GRIA2: variants seen among roughly 807,000 people sequenced by gnomAD.
GRIA2 encodes the protein glutamate receptor 2.
In GRIA2, 14 loss-of-function variants were observed where a neutral mutation model predicts 97.3. That is an observed-to-expected ratio of 0.14 (90% CI 0.10 to 0.23). GRIA2 has a LOEUF of 0.23. Among genes scored for constraint, GRIA2 ranks in the 10% least tolerant of loss-of-function variants. GRIA2 has a pLI of 1.00. For synonymous variants in GRIA2, 412 were observed against 387.8 expected (o/e 1.06, Z -0.73); for missense variants, 558 against 1,069.8 (o/e 0.52, Z 6.67).
intron 2 of GRIA2, among the ~76,000 whole-genome samples, chr4:157,282,987 T>C (rs1732676036): frequency 6.6e-6 from 1 of 152,044 alleles, no homozygotes; most frequent in South Asian, 2.1e-4. Flanking sequence ...GTCAGGGAAA[T>C]ATGGTGGAAA....
chr4:157,362,139 T>C (rs1560784582), intron 14 of GRIA2, among the ~76,000 whole-genome samples: 1 of 151,958 alleles, frequency 6.6e-6, no homozygotes, highest in Non-Finnish European at 1.5e-5. Context: ...TGGATGAGAG[T>C]ACACTGAGGG....
intron 2 of GRIA2, among the ~76,000 whole-genome samples, chr4:157,226,486 A>G (rs1315554613): frequency 6.6e-6 from 1 of 152,068 alleles, no homozygotes; most frequent in Admixed American, 6.5e-5. Flanking sequence ...TAGAGGAGAG[A>G]GAATTCTAAA....
chr4:157,225,553 A>C (rs1729704270), intron 2 of GRIA2, among the ~76,000 whole-genome samples: 1 of 151,980 alleles, frequency 6.6e-6, no homozygotes, highest in Admixed American at 6.6e-5. Context: ...CCAATCATTC[A>C]TTCAATAAAT....
chr4:157,227,952 A>G (rs1050309808), intron 2 of GRIA2, among the ~76,000 whole-genome samples: 2 of 152,226 alleles, frequency 1.3e-5, no homozygotes, highest in African/African-American at 4.8e-5. Context: ...AAAAAAAGGA[A>G]TGTGATTCTT....
chr4:157,325,178 A>C (rs2126914815), intron 6 of GRIA2, among the ~76,000 whole-genome samples: 1 of 152,338 alleles, frequency 6.6e-6, no homozygotes, highest in East Asian at 1.9e-4. Flanking sequence ...AAGTTAAATC[A>C]GCTTCCAAAG....
chr4:157,357,495 A>C (rs966050121), intron 12 of GRIA2, among the ~76,000 whole-genome samples: 3 of 152,232 alleles, frequency 2.0e-5, no homozygotes, highest in African/African-American at 4.8e-5. Flanking sequence ...GAAAAAAGTT[A>C]CTTTCAGTCT....
chr4:157,355,979 ATT>A (rs1166410815), intron 12 of GRIA2, among the ~76,000 whole-genome samples: 3 of 53,150 alleles, frequency 5.6e-5, no homozygotes, highest in African/African-American at 1.4e-4. Context: ...TAATATATAT[ATT>A]TATATATTTA....
intron 11 of GRIA2, among the ~76,000 whole-genome samples, chr4:157,339,468 T>C (rs1437239687): frequency 6.6e-6 from 1 of 151,938 alleles, no homozygotes; most frequent in Non-Finnish European, 1.5e-5. Flanking sequence ...TAAAAGTAAA[T>C]AATAAATAGT....
At chr4:157,329,399 CA>C (rs1305783274) in intron 6 of GRIA2, among the ~76,000 whole-genome samples, 1 of 151,820 alleles carries the variant, frequency 6.6e-6, no homozygotes, top group East Asian at 1.9e-4. Context: ...TGTACCAGGC[CA>C]TAAAACTTTT....
chr4:157,268,614 G>T (rs1731874733), intron 2 of GRIA2, among the ~76,000 whole-genome samples: 2 of 151,688 alleles, frequency 1.3e-5, no homozygotes, highest in South Asian at 4.2e-4. Context: ...CTGCATACTT[G>T]TATATAAATA....
intron 6 of GRIA2, among the ~76,000 whole-genome samples, chr4:157,329,827 G>C (rs1009697684): frequency 4.6e-5 from 7 of 151,980 alleles, no homozygotes; most frequent in African/African-American, 1.7e-4. Context: ...GGATTGAAAA[G>C]GTTCCTGGGA....
intron 2 of GRIA2, among the ~76,000 whole-genome samples, chr4:157,292,341 T>C (rs1733143672): frequency 6.6e-6 from 1 of 152,038 alleles, no homozygotes; most frequent in African/African-American, 2.4e-5. Flanking sequence ...ATTGAACATC[T>C]ATGTGGAAAC....
At chr4:157,227,199 C>T (rs748501116) in intron 2 of GRIA2, among the ~76,000 whole-genome samples, 1 of 152,124 alleles carries the variant, frequency 6.6e-6, no homozygotes, top group Non-Finnish European at 1.5e-5. Flanking sequence ...AACCTGCTGG[C>T]TCAAGAAGGA....
chr4:157,221,968 G>A (rs1456396904), intron 2 of GRIA2, among the ~76,000 whole-genome samples, 161 bp downstream of exon 2: 1 of 151,886 alleles, frequency 6.6e-6, no homozygotes, highest in Non-Finnish European at 1.5e-5. Context: ...GTAGAGAGAA[G>A]GTGGCTGTAA....
intron 2 of GRIA2, among the ~76,000 whole-genome samples, chr4:157,252,989 T>A (rs1045074027): frequency 1.3e-5 from 2 of 152,096 alleles, no homozygotes; most frequent in Non-Finnish European, 2.9e-5. Context: ...ATAAAAGCAG[T>A]GTTACTCTCC....
intron 3 of GRIA2, among the ~76,000 whole-genome samples, chr4:157,310,913 C>T (rs1364440092): frequency 6.6e-6 from 1 of 151,832 alleles, no homozygotes; most frequent in African/African-American, 2.4e-5. Flanking sequence ...ATGAATGTAG[C>T]CAACACTAAA....
At chr4:157,277,764 AC>A (rs936773852) in intron 2 of GRIA2, among the ~76,000 whole-genome samples, 3 of 148,484 alleles carry the variant, frequency 2.0e-5, no homozygotes, top group Non-Finnish European at 3.0e-5. Context: ...TAAAAATACA[AC>A]CCCCCACGAA....
chr4:157,253,557 A>G (rs1479390973), intron 2 of GRIA2, among the ~76,000 whole-genome samples: 1 of 152,116 alleles, frequency 6.6e-6, no homozygotes, highest in Non-Finnish European at 1.5e-5. Context: ...ATCCTAATCT[A>G]TGGAGATTTC....
chr4:157,348,171 C>T (rs1485859937), intron 12 of GRIA2, among the ~76,000 whole-genome samples: 1 of 151,992 alleles, frequency 6.6e-6, no homozygotes, highest in Non-Finnish European at 1.5e-5. Context: ...TTCTAGCAGA[C>T]AATTTTGCTC....
Sources: gnomAD v4.1 joint callset for allele counts (sites outside exome capture counted in the v4.1 genomes callset) on GRCh38, gnomAD v4.1.1 for gene constraint, MANE v1.5 for transcripts, NCBI Gene and HGNC (gene_info 2026-07-23, HGNC 2026-07-21) for gene names.